Variants in ZNF420 observed in about 807,000 individuals in gnomAD.
ZNF420 encodes zinc finger protein 420, also known as ATM and p53-associated KZNF protein.
In ZNF420, 31 loss-of-function variants were observed where a neutral mutation model predicts 44.7. The ratio of observed to expected loss-of-function variants is 0.69; its 90% CI spans 0.52 to 0.94. The LOEUF (loss-of-function observed/expected upper bound fraction) is 0.94. Among genes scored for constraint, ZNF420 ranks in the 40% least tolerant of loss-of-function variants. The probability of loss-of-function intolerance (pLI) is 0.00; values close to 1 mark genes in which losing one functional copy is unlikely to be tolerated. For synonymous variants in ZNF420, 245 were observed against 267.4 expected (o/e 0.92, Z 0.82); for missense variants, 681 against 827.9 (o/e 0.82, Z 2.18).
intron 1 of ZNF420, among the ~76,000 whole-genome samples, chr19:37,065,949 C>T (rs573121574): frequency 6.6e-6 from 1 of 152,226 alleles, no homozygotes; most frequent in South Asian, 2.1e-4. Flanking sequence ...CAAAAATTAA[C>T]ATAAATCCTA....
intron 1 of ZNF420, among the ~76,000 whole-genome samples, chr19:37,045,801 G>A (rs1311271827): frequency 2.0e-5 from 3 of 152,178 alleles, no homozygotes; most frequent in Non-Finnish European, 2.9e-5. Context: ...CTAAAACAGT[G>A]GTTGGCCCAT....
intron 1 of ZNF420, among the ~76,000 whole-genome samples, chr19:37,055,327 A>G (rs762059402): frequency 3.3e-5 from 5 of 152,210 alleles, no homozygotes; most frequent in Non-Finnish European, 5.9e-5. Flanking sequence ...TTGAGGCTGC[A>G]GTGAGTTATG....
intron 1 of ZNF420, among the ~76,000 whole-genome samples, chr19:37,042,061 G>A (rs1967464266): frequency 6.6e-6 from 1 of 152,152 alleles, no homozygotes; most frequent in Non-Finnish European, 1.5e-5. Context: ...GTGCTGTGGC[G>A]TGATCTTGGC....
chr19:37,111,248 A>C (rs1443861716), intron 4 of ZNF420, among the ~76,000 whole-genome samples: 1 of 152,142 alleles, frequency 6.6e-6, no homozygotes, highest in African/African-American at 2.4e-5. Context: ...TTTTTCTTCC[A>C]CTAATTTAAT....
At chr19:37,035,226 A>G (rs1967332000) in intron 1 of ZNF420, among the ~76,000 whole-genome samples, 2 of 152,186 alleles carry the variant, frequency 1.3e-5, no homozygotes, top group African/African-American at 4.8e-5. Context: ...CTACTTCTAC[A>G]TCCACCCTAT....
At chr19:37,078,601 C>G (rs1968244099) in intron 1 of ZNF420, 31 bp downstream of exon 1, 1 of 152,328 alleles carries the variant, frequency 6.6e-6, no homozygotes, top group South Asian at 2.1e-4. Context: ...GGAGCGGACA[C>G]GCGCGGAGAA....
chr19:37,097,747 A>C (rs1969538629), intron 4 of ZNF420, among the ~76,000 whole-genome samples: 1 of 152,160 alleles, frequency 6.6e-6, no homozygotes, highest in South Asian at 2.1e-4. Context: ...TTGTGGGATA[A>C]AGTTTATATG....
intron 2 of ZNF420, among the ~76,000 whole-genome samples, chr19:37,087,060 G>C (rs1176856042): frequency 6.6e-6 from 1 of 151,988 alleles, no homozygotes; most frequent in Non-Finnish European, 1.5e-5. Flanking sequence ...TGAGGCAGGA[G>C]GATTGCTTGA....
chr19:37,057,055 GAGTA>G (rs1205751493), intron 1 of ZNF420, among the ~76,000 whole-genome samples: 1 of 152,230 alleles, frequency 6.6e-6, no homozygotes, highest in African/African-American at 2.4e-5. Context: ...ACGGTTGCCT[GAGTA>G]ACCACTCCCT....
intron 1 of ZNF420, among the ~76,000 whole-genome samples, chr19:37,046,622 A>C (rs1450551744): frequency 6.6e-6 from 1 of 152,200 alleles, no homozygotes; most frequent in Non-Finnish European, 1.5e-5. Context: ...TCAGGAAAAA[A>C]AGACAGAGGA....
Position 37,130,088 on chromosome 19 carries a change from T to G in ZNF420, c.*1030T>G. ...AGTGATATTTATATGAGTAGGAGAT[T>G]TACGAAATCCATTTTTCCTGTCTTT... On this transcript the variant is annotated 3_prime_UTR_variant, in exon 5 of 5. Coordinates refer to ENST00000337995, the MANE Select transcript of ZNF420 (RefSeq NM_144689.5). 1.9e-6 allele frequency: 3 copies of G among 1,550,438 alleles called. No homozygotes were observed. The highest frequency in any genetic ancestry group is 2.6e-6 in the Non-Finnish European group (3 of 1,146,916).
At position 37,087,334 on chromosome 19, in the gene ZNF420, TAAAA is replaced by T. The variant is rs1568447025; in HGVS notation, c.-80-1703_-80-1700del. 8.9e-5 allele frequency among the ~76,000 whole-genome samples: 13 copies of T among 145,746 alleles called. No homozygotes were observed. The South Asian group carries it at 1.7e-3, about 20-fold the overall frequency. On this transcript the variant is annotated intron_variant, in intron 2 of 4. Coordinates refer to ENST00000337995, the MANE Select transcript of ZNF420 (RefSeq NM_144689.5). ...ATAAATAAATAAATAAATAAATAAATAAAAATTAAGAGCTTGGCACTTTTTTGGA... is the reference window on the plus strand; with the variant it reads ...ATAAATAAATAAATAAATAAATAAATATTAAGAGCTTGGCACTTTTTTGGA...
intron 1 of ZNF420, among the ~76,000 whole-genome samples, chr19:37,065,221 A>G (rs903264331): frequency 1.3e-5 from 2 of 152,180 alleles, no homozygotes; most frequent in African/African-American, 4.8e-5. Flanking sequence ...CCAAGCCACA[A>G]GGGATTTTAT....
chr19:37,073,999 G>A (rs1968107136), upstream of ZNF420, among the ~76,000 whole-genome samples: 1 of 151,954 alleles, frequency 6.6e-6, no homozygotes, highest in African/African-American at 2.4e-5. Context: ...GAGGTATAGA[G>A]GGAAAGGGTG....
chr19:37,041,324 A>G (rs902808701), intron 1 of ZNF420, among the ~76,000 whole-genome samples: 1 of 151,866 alleles, frequency 6.6e-6, no homozygotes, highest in Admixed American at 6.6e-5. Flanking sequence ...AAAAAAAAAA[A>G]AAATCCCAAC....
chr19:37,063,536 A>G (rs905099765), intron 1 of ZNF420, among the ~76,000 whole-genome samples: 4 of 149,752 alleles, frequency 2.7e-5, no homozygotes, highest in South Asian at 4.3e-4. Flanking sequence ...TTCCCCCTGC[A>G]TAGATCTCCC....
chr19:37,112,661 C>G lies in ZNF420; in HGVS notation c.137-14467C>G, dbSNP rs1384572649. On this transcript the variant is annotated intron_variant, in intron 4 of 4. Transcript: ENST00000337995. ...CTAGCTGGATCAGTGCTTCCAAACC[C>G]TCCTGTTCTTTTTATCTCACTGTTT... 2.0e-5 allele frequency among the ~76,000 whole-genome samples: 3 copies of G among 152,164 alleles called. No individual in the cohort carries two copies. The East Asian group carries it at 5.8e-4, about 29-fold the overall frequency.
chr19:37,032,018 C>T (rs556664253), intron 1 of ZNF420, among the ~76,000 whole-genome samples: 19 of 152,128 alleles, frequency 1.2e-4, no homozygotes, highest in Non-Finnish European at 2.4e-4. Flanking sequence ...CCAGACCAGC[C>T]GGGCCAACAT....
intron 1 of ZNF420, among the ~76,000 whole-genome samples, chr19:37,013,541 G>A (rs906307849): frequency 6.6e-6 from 1 of 152,182 alleles, no homozygotes; most frequent in African/African-American, 2.4e-5. Flanking sequence ...GCAGAGTCAC[G>A]GAGAAGCAGC....
Sources: gnomAD v4.1 joint callset for allele counts (sites outside exome capture counted in the v4.1 genomes callset) on GRCh38, gnomAD v4.1.1 for gene constraint, MANE v1.5 for transcripts, NCBI Gene and HGNC (gene_info 2026-07-23, HGNC 2026-07-21) for gene names.